ABLIM2: variants seen among roughly 807,000 people sequenced by gnomAD.
ABLIM2 encodes actin binding LIM protein family member 2, also known as actin-binding LIM protein 2.
In ABLIM2, 53 loss-of-function variants were observed where a neutral mutation model predicts 97.7. The observed-to-expected ratio is 0.54, with a 90% CI of 0.44 to 0.68. The LOEUF is 0.68. ABLIM2 is among the 30% of genes least tolerant of loss of function. The pLI is 0.00. For missense variants in ABLIM2, 835 were observed against 867.2 expected (o/e 0.96, Z 0.47); for synonymous variants, 361 against 345.8 (o/e 1.04, Z -0.49).
chr4:8,093,942 G>A (rs1830140536), intron 3 of ABLIM2, among the ~76,000 whole-genome samples: 1 of 152,010 alleles, frequency 6.6e-6, no homozygotes, highest in African/African-American at 2.4e-5. Context: ...ACACTTGTTG[G>A]TCTCCCTTAT....
intron 20 of ABLIM2, among the ~76,000 whole-genome samples, chr4:7,968,061 C>T (rs1307460089): frequency 2.0e-5 from 3 of 152,264 alleles, no homozygotes; most frequent in African/African-American, 7.2e-5. Flanking sequence ...GGCGTCCCCT[C>T]CCCTAAGGAG....
chr4:7,991,464 A>G (rs1212618299), intron 17 of ABLIM2, among the ~76,000 whole-genome samples: 1 of 152,180 alleles, frequency 6.6e-6, no homozygotes, highest in Non-Finnish European at 1.5e-5. Context: ...TCCAGGTGAG[A>G]AGGGAACATT....
intron 16 of ABLIM2, among the ~76,000 whole-genome samples, chr4:8,006,522 G>A (rs933907699): frequency 3.9e-5 from 6 of 152,222 alleles, no homozygotes; most frequent in Non-Finnish European, 8.8e-5. Context: ...TTGATGCCGG[G>A]ACACTGAGCA....
rs188064070 is a variant in ABLIM2 at position 8,095,674 on chromosome 4, C to T, written c.338+1425G>A. Reference sequence around the variant, plus strand: ...GCTGGATTACGGGTGTGAGCCTCCGCGCCCAGCCAGCATGATCTTCCTGAG... The same window carrying T: ...GCTGGATTACGGGTGTGAGCCTCCGTGCCCAGCCAGCATGATCTTCCTGAG... On this transcript the variant is annotated intron_variant, in intron 3 of 20. Coordinates refer to ENST00000447017, the MANE Select transcript of ABLIM2 (RefSeq NM_001130083.2). This position sits in a 1 kb window ranked among gnomAD's most constrained non-coding sequence, Gnocchi z 4.7. Among the ~76,000 whole-genome samples, 70 of 152,254 alleles carry T rather than the reference C, an allele frequency of 4.6e-4. No individual in the cohort carries two copies. The highest frequency in any genetic ancestry group is 1.4e-3 in the African/African-American group (60 of 41,540).
At chr4:8,096,206 C>T (rs1285569392) in intron 3 of ABLIM2, among the ~76,000 whole-genome samples, 2 of 152,230 alleles carry the variant, frequency 1.3e-5, no homozygotes, top group African/African-American at 2.4e-5. Flanking sequence ...GCTCCAGAGT[C>T]TGGAAATGGT....
chr4:8,072,088 C>T lies in ABLIM2; in HGVS notation c.675+5540G>A, dbSNP rs957917159. On this transcript the variant is annotated intron_variant, in intron 6 of 20. Coordinates refer to ENST00000447017, the MANE Select transcript of ABLIM2 (RefSeq NM_001130083.2). The surrounding 1 kb of genome is among the most constrained non-coding windows in gnomAD (Gnocchi z 5.8). The stretch of plus-strand genomic sequence containing the variant: ...CGACTCAGCCACGCCGCCACAGACT[C>T]GCCTCCCCGGCAGAGGCGAAAACAA... The T allele has an allele frequency of 2.7e-5, 27 of 984,766 alleles. No individual in the cohort carries two copies. The highest frequency in any genetic ancestry group is 2.3e-4 in the East Asian group (2 of 8,820). The allele number at this position is 984,766 out of a possible 1,614,324, so 61.0% of individuals were successfully genotyped here.
At chr4:8,026,723 A>C (rs1777600876) in intron 12 of ABLIM2, among the ~76,000 whole-genome samples, 2 of 152,244 alleles carry the variant, frequency 1.3e-5, no homozygotes. Context: ...GGCTTAAACA[A>C]CAGGCATATT....
intron 6 of ABLIM2, among the ~76,000 whole-genome samples, chr4:8,076,113 G>A (rs1000407710): frequency 2.6e-5 from 4 of 152,214 alleles, no homozygotes; most frequent in South Asian, 2.1e-4. Flanking sequence ...GACCCTTCCC[G>A]TGGGGGCATC....
intron 9 of ABLIM2, among the ~76,000 whole-genome samples, chr4:8,040,076 TG>T (rs1246999501): frequency 5.3e-5 from 8 of 152,042 alleles, no homozygotes; most frequent in African/African-American, 1.9e-4. Context: ...AGCCACTTGG[TG>T]GATTCTGGTG....
At chr4:7,974,944 C>T (rs193124000) in intron 20 of ABLIM2, among the ~76,000 whole-genome samples, 16 of 152,332 alleles carry the variant, frequency 1.1e-4, no homozygotes, top group African/African-American at 1.7e-4. Flanking sequence ...TCAGGCTGGA[C>T]GCAGTGGCTC....
chr4:7,990,825 A>C (rs1283505634), intron 17 of ABLIM2, among the ~76,000 whole-genome samples: 1 of 152,204 alleles, frequency 6.6e-6, no homozygotes, highest in Admixed American at 6.5e-5. Flanking sequence ...AAAAAGGCAT[A>C]ACAGTACATA....
chr4:8,131,233 C>T (rs1578426118), intron 1 of ABLIM2, among the ~76,000 whole-genome samples: 1 of 152,340 alleles, frequency 6.6e-6, no homozygotes, highest in African/African-American at 2.4e-5. Flanking sequence ...CAGCCAACCA[C>T]ATGCAGCAGC....
At chr4:8,070,259 T>C in intron 6 of ABLIM2, among the ~76,000 whole-genome samples, 1 of 151,352 alleles carries the variant, frequency 6.6e-6, no homozygotes, top group East Asian at 1.9e-4. Flanking sequence ...TCCACGTGTG[T>C]TGTCTGTGGG....
Position 8,007,638 on chromosome 4 carries a change from C to T in ABLIM2, c.1618+421G>A, listed in dbSNP as rs1054035940. The T allele has an allele frequency of 2.5e-5, 25 of 995,396 alleles. No homozygotes were observed. In the South Asian group the frequency reaches 1.0e-3, roughly 41 times the overall value. 61.7% of individuals were successfully genotyped at this position (995,396 alleles called of 1,614,324 possible). A position where few individuals can be genotyped will look rare whatever the true frequency, so the allele number is the denominator to read the frequency against. On this transcript the variant is annotated intron_variant, in intron 16 of 20. Coordinates refer to ENST00000447017, the MANE Select transcript of ABLIM2 (RefSeq NM_001130083.2). ...AGGCTGTGCCTCGTTCAGGATGAGT[C>T]ACAGGGGACAGGGATGGTGCCCATC...
intron 9 of ABLIM2, among the ~76,000 whole-genome samples, chr4:8,040,097 G>A (rs994061643): frequency 2.0e-5 from 3 of 152,176 alleles, no homozygotes; most frequent in Admixed American, 1.3e-4. Context: ...GCATTCCTGT[G>A]CACGTGAATG....
intron 1 of ABLIM2, among the ~76,000 whole-genome samples, chr4:8,114,962 C>T (rs140815141): frequency 4.8e-3 from 725 of 152,284 alleles, no homozygotes; most frequent in Non-Finnish European, 7.8e-3. Context: ...CCCTGGAACG[C>T]CCACCAGGAG....
At position 8,132,513 on chromosome 4, in the gene ABLIM2, C is replaced by T. The variant is rs1334050258; in HGVS notation, c.11-25876G>A. Reference sequence around the variant, plus strand: ...TGGCCTTTCCTGAGCACTGGGCCCCCAGCTCCCTCTGAGTGCTGGATGCCT... The same window carrying T: ...TGGCCTTTCCTGAGCACTGGGCCCCTAGCTCCCTCTGAGTGCTGGATGCCT... On this transcript the variant is annotated intron_variant, in intron 1 of 20. Coordinates refer to ENST00000447017, the MANE Select transcript of ABLIM2 (RefSeq NM_001130083.2). The surrounding 1 kb of genome is among the most constrained non-coding windows in gnomAD (Gnocchi z 8.0). Among the ~76,000 whole-genome samples the T allele has an allele frequency of 6.6e-6, 1 of 152,052 alleles. No homozygotes were observed. The highest frequency in any genetic ancestry group is 6.5e-5 in the Admixed American group (1 of 15,274).
chr4:8,012,059 G>T (rs1296762239), intron 14 of ABLIM2, among the ~76,000 whole-genome samples: 1 of 150,996 alleles, frequency 6.6e-6, no homozygotes, highest in African/African-American at 2.4e-5. Flanking sequence ...CAGCCAGCCA[G>T]CCATCCACCC....
chr4:8,064,746 C>G (rs1805880143), intron 6 of ABLIM2, among the ~76,000 whole-genome samples: 1 of 152,102 alleles, frequency 6.6e-6, no homozygotes, highest in African/African-American at 2.4e-5. Flanking sequence ...ATCTACCTGG[C>G]TAGGGTGCCC....
Sources: gnomAD v4.1 joint callset for allele counts (sites outside exome capture counted in the v4.1 genomes callset) on GRCh38, gnomAD v4.1.1 for gene constraint, Gnocchi (gnomAD v3.1) non-coding constraint, MANE v1.5 for transcripts, NCBI Gene and HGNC (gene_info 2026-07-23, HGNC 2026-07-21) for gene names.